Variants in GALK2 observed in about 807,000 individuals in gnomAD.
The protein encoded by GALK2 is N-acetylgalactosamine kinase.
Under a neutral mutation model 52.4 loss-of-function variants are expected in GALK2, and 36 were observed. The observed-to-expected ratio is 0.69, with a 90% CI of 0.53 to 0.91. The LOEUF (loss-of-function observed/expected upper bound fraction) is 0.91. Among genes scored for constraint, GALK2 ranks in the 40% least tolerant of loss-of-function variants. The probability of loss-of-function intolerance (pLI) is 0.00; values close to 1 mark genes in which losing one functional copy is unlikely to be tolerated. For missense variants in GALK2, 579 were observed against 559.1 expected, an observed-to-expected ratio of 1.04 and a Z score of -0.36; for synonymous variants, 176 against 199.1, an observed-to-expected ratio of 0.88 and a Z score of 0.98.
chr15:49,170,464 G>A (rs2084996695), intron 1 of GALK2, 89 bp downstream of exon 1: 7 of 1,343,468 alleles, frequency 5.2e-6, no homozygotes, highest in Admixed American at 4.1e-5. Flanking sequence ...CCCTTGGGGC[G>A]CTGCTTTTGG....
chr15:49,305,292 CA>C (rs1169945081), intron 8 of GALK2, among the ~76,000 whole-genome samples: 1 of 152,110 alleles, frequency 6.6e-6, no homozygotes, highest in Non-Finnish European at 1.5e-5. Flanking sequence ...ACAGTTTAAC[CA>C]TATGAGATCT....
At chr15:49,352,552 T>A (rs1596406732) in intron 3 of GALK2, among the ~76,000 whole-genome samples, 1 of 152,194 alleles carries the variant, frequency 6.6e-6, no homozygotes, top group Non-Finnish European at 1.5e-5. Context: ...TTTCTTTATC[T>A]AGGCTTCAGA....
intron 8 of GALK2, among the ~76,000 whole-genome samples, chr15:49,303,634 C>T (rs994091796): frequency 1.3e-5 from 2 of 152,172 alleles, no homozygotes; most frequent in African/African-American, 4.8e-5. Flanking sequence ...GGTTTCCTGA[C>T]CCTGCCAACT....
intron 1 of GALK2, among the ~76,000 whole-genome samples, chr15:49,157,464 C>T (rs1000579215): frequency 2.6e-5 from 4 of 152,072 alleles, no homozygotes; most frequent in African/African-American, 9.7e-5. Context: ...ATTGTCTTTA[C>T]AGTTATAAAA....
intron 8 of GALK2, among the ~76,000 whole-genome samples, chr15:49,319,398 T>C (rs764468993): frequency 1.3e-5 from 2 of 152,180 alleles, no homozygotes. Context: ...GTTACAAGAT[T>C]TTATTCAGTA....
At chr15:49,217,101 TG>T in intron 2 of GALK2, 88 bp from the exon 3 acceptor site, 1 of 1,107,046 alleles carries the variant, frequency 9.0e-7, no homozygotes, top group Non-Finnish European at 1.3e-6. Flanking sequence ...ACCTGGCTCA[TG>T]GTCAGTTTTT....
chr15:49,365,267 A>AGT, intron 3 of GALK2: 5 of 1,302,034 alleles, frequency 3.8e-6, no homozygotes, highest in Admixed American at 3.4e-5. Flanking sequence ...GGCAATAATA[A>AGT]GTGTGCAAGT....
chr15:49,328,742 G>T lies in GALK2; in HGVS notation c.*583G>T. On this transcript the variant is annotated 3_prime_UTR_variant, in exon 10 of 10. Coordinates refer to ENST00000560031, the MANE Select transcript of GALK2 (RefSeq NM_002044.4). ...GGACATTGTATAATTGAATTTGAAT[G>T]TGAGATTTCTCCAGTTATCAAGAGA... 5 of 1,495,048 alleles carry T rather than the reference G, an allele frequency of 3.3e-6. No individual in the cohort carries two copies. The highest frequency in any genetic ancestry group is 1.4e-5 in the South Asian group (1 of 73,620). The allele number at this position is 1,495,048 out of a possible 1,614,324, so 92.6% of individuals were successfully genotyped here.
intron 5 of GALK2, among the ~76,000 whole-genome samples, chr15:49,277,045 C>T (rs1431929549): frequency 4.9e-5 from 7 of 143,470 alleles, no homozygotes; most frequent in African/African-American, 1.8e-4. Flanking sequence ...GCAATCTCGG[C>T]TCACTGCAAG....
At chr15:49,358,452 CAGAG>C (rs887336003) in intron 3 of GALK2, among the ~76,000 whole-genome samples, 9 of 139,284 alleles carry the variant, frequency 6.5e-5, no homozygotes, top group African/African-American at 1.1e-4. Context: ...AACAGACAAA[CAGAG>C]AGCCAAATCA....
chr15:49,215,920 T>A (rs1178231374), intron 2 of GALK2, among the ~76,000 whole-genome samples: 2 of 152,234 alleles, frequency 1.3e-5, no homozygotes, highest in Non-Finnish European at 2.9e-5. Context: ...TGTGTTGTGC[T>A]CTAAGCCTGT....
intron 9 of GALK2, among the ~76,000 whole-genome samples, chr15:49,326,255 A>ATTTTTTT (rs35381509): frequency 3.2e-4 from 32 of 100,692 alleles, no homozygotes; most frequent in Non-Finnish European, 3.3e-4. Context: ...TATGACAACC[A>ATTTTTTT]TTTTTTTTTT....
At chr15:49,283,796 C>A in intron 7 of GALK2, 78 bp downstream of exon 7, 1 of 1,463,322 alleles carries the variant, frequency 6.8e-7, no homozygotes. Context: ...ATTACTTTAT[C>A]TCTTTCCCCA....
At chr15:49,286,868 A>G (rs7166847) in intron 7 of GALK2, among the ~76,000 whole-genome samples, 62,551 of 151,956 alleles carry the variant, frequency 0.41, 13,030 homozygotes, top group African/African-American at 0.43. Flanking sequence ...GGAGACCTCA[A>G]ACATACACAA....
chr15:49,181,495 A>T (rs6493353), intron 1 of GALK2, among the ~76,000 whole-genome samples: 34 of 149,526 alleles, frequency 2.3e-4, no homozygotes, highest in African/African-American at 7.2e-4. Context: ...TTTTTTAAAA[A>T]AAAGACTTTT....
intron 5 of GALK2, among the ~76,000 whole-genome samples, chr15:49,245,357 G>A (rs1023121584): frequency 2.8e-4 from 43 of 152,104 alleles, no homozygotes; most frequent in Non-Finnish European, 5.3e-4. Context: ...CTTTGTTGTT[G>A]TTATAAGCCT....
chr15:49,163,475 C>G (rs2084720984), intron 1 of GALK2, among the ~76,000 whole-genome samples: 1 of 152,020 alleles, frequency 6.6e-6, no homozygotes, highest in Non-Finnish European at 1.5e-5. Context: ...CCATTTAGGT[C>G]TGCGATCCAT....
Position 49,328,890 on chromosome 15 carries a change from T to C in GALK2, c.*731T>C. On this transcript the variant is annotated 3_prime_UTR_variant, in exon 10 of 10. Transcript: ENST00000560031. ...TTTCAATTCTTTTGGCCCTGAGCTA[T>C]CTCCATTACTTAATAGAAAAACTTA... 7.8e-7 allele frequency: 1 copy of C among 1,281,954 alleles called. No homozygotes were observed. Among genetic ancestry groups the C allele is most frequent in the South Asian group, 2.7e-5 (1 of 36,592 alleles). The allele number at this position is 1,281,954 out of a possible 1,614,324, so 79.4% of individuals were successfully genotyped here. A position where few individuals can be genotyped will look rare whatever the true frequency, so the allele number is the denominator to read the frequency against.
chr15:49,258,440 T>C lies in GALK2; in HGVS notation c.504+19073T>C, dbSNP rs1408677493. Among the ~76,000 whole-genome samples the C allele has an allele frequency of 1.3e-5, 2 of 152,016 alleles. 1 individual carries two copies. The highest frequency in any genetic ancestry group is 2.9e-5 in the Non-Finnish European group (2 of 67,992). ...TTCCAGACTGAAGGAATGGTGGATA[T>C]AAAGATCCTGAGGTGGTGGGATATT... is the stretch of plus-strand genomic sequence containing the variant. On this transcript the variant is annotated intron_variant, in intron 5 of 9. Transcript: ENST00000560031.
Sources: gnomAD v4.1 joint callset for allele counts (sites outside exome capture counted in the v4.1 genomes callset) on GRCh38, gnomAD v4.1.1 for gene constraint, MANE v1.5 for transcripts, NCBI Gene and HGNC (gene_info 2026-07-23, HGNC 2026-07-21) for gene names.